Variants in DMD observed in about 807,000 individuals in gnomAD.
The protein encoded by DMD is dystrophin.
Under a neutral mutation model 330.1 loss-of-function variants are expected in DMD, and 63 were observed. The observed-to-expected ratio is 0.19, with a 90% confidence interval of 0.16 to 0.24. The LOEUF (loss-of-function observed/expected upper bound fraction) is 0.24, where lower values mean the gene tolerates loss of function less well. DMD is among the 10% of genes least tolerant of loss of function. The pLI, the probability that DMD is intolerant of heterozygous loss-of-function variation, is 1.00. For missense variants in DMD, 3,344 were observed against 2,684.1 expected (o/e 1.25, Z -5.43); for synonymous variants, 1,223 against 959.8 (o/e 1.27, Z -5.07).
At chrX:32,053,764 C>T (rs1179275843) in intron 44 of DMD, among the ~76,000 whole-genome samples, 1 of 111,505 alleles carries the variant, frequency 9.0e-6, no homozygotes, top group African/African-American at 3.3e-5. Flanking sequence ...TCTTTGTTGG[C>T]ACACACACAT....
chrX:31,438,378 T>C (rs1039437021), intron 60 of DMD, among the ~76,000 whole-genome samples: 9 of 111,831 alleles, frequency 8.0e-5, no homozygotes, highest in African/African-American at 2.9e-4. Flanking sequence ...GAAAGTTTGT[T>C]AGAGATGCAG....
At chrX:32,231,740 T>C (rs2097169757) in intron 43 of DMD, among the ~76,000 whole-genome samples, 1 of 111,871 alleles carries the variant, frequency 8.9e-6, no homozygotes, top group Admixed American at 9.5e-5. Flanking sequence ...CAAGAGCCTA[T>C]ACACACATAA....
At chrX:32,320,500 T>C (rs1569557643) in intron 41 of DMD, among the ~76,000 whole-genome samples, 1 of 111,871 alleles carries the variant, frequency 8.9e-6, no homozygotes, top group African/African-American at 3.2e-5. Flanking sequence ...GCTACTTTAT[T>C]GGACAGTGTA....
rs1429767974 is a variant in DMD, at chrX:32,699,246, T to C, written c.697A>G (p.Thr233Ala). The change falls in exon 8 of 79, where the codon ACA (threonine) becomes GCA (alanine). Residue 233 changes from threonine to alanine, a missense_variant. Thr to Ala is a moderately conservative substitution (Grantham distance 58). Coordinates refer to ENST00000357033, the MANE Select transcript of DMD (RefSeq NM_004006.3). ...PDKKSILMYI[T>A]SLFQVLPQQV... The stretch of plus-strand genomic sequence containing the variant: ...TGAGGCAAAACTTGGAAGAGTGATG[T>C]GATGTACATTAAGATGGACTTCTTA... 1 of 1,209,715 alleles carries C rather than the reference T, an allele frequency of 8.3e-7. No homozygotes were observed. The highest frequency in any genetic ancestry group is 3.0e-5 in the East Asian group (1 of 33,795).
chrX:32,118,911 T>C (rs2096622804), intron 44 of DMD, among the ~76,000 whole-genome samples: 2 of 110,811 alleles, frequency 1.8e-5, no homozygotes, highest in Non-Finnish European at 3.8e-5. Context: ...ACAATAGGGT[T>C]CGTGATCCTA....
At chrX:32,535,270 C>G (rs147039559) in intron 17 of DMD, among the ~76,000 whole-genome samples, 2 of 111,754 alleles carry the variant, frequency 1.8e-5, no homozygotes, top group Non-Finnish European at 3.8e-5. Flanking sequence ...CCCATCTGCT[C>G]TCAGATCTAT....
intron 44 of DMD, among the ~76,000 whole-genome samples, chrX:32,021,172 G>T (rs775761891): frequency 1.2e-4 from 14 of 112,027 alleles, no homozygotes; most frequent in African/African-American, 4.2e-4. Context: ...ATGTCCATAC[G>T]CATGTAAAAT....
chrX:32,825,501 G>A (rs1409225656), intron 4 of DMD, among the ~76,000 whole-genome samples: 2 of 111,726 alleles, frequency 1.8e-5, no homozygotes, highest in Admixed American at 9.5e-5. Flanking sequence ...CTACCATTAG[G>A]CTCTAGCAAT....
intron 42 of DMD, among the ~76,000 whole-genome samples, chrX:32,290,562 A>T (rs73462022): frequency 0.027 from 3,030 of 112,247 alleles, 112 homozygotes; most frequent in African/African-American, 0.091. Context: ...AGAAAGAAAA[A>T]TCTAAACATA....
At chrX:32,046,311 A>T (rs181426458) in intron 44 of DMD, among the ~76,000 whole-genome samples, 9 of 112,495 alleles carry the variant, frequency 8.0e-5, no homozygotes, top group Non-Finnish European at 1.5e-4. Flanking sequence ...AAGAACATGG[A>T]TTCCATTAAG....
chrX:33,139,837 G>A (rs1167631781), intron 1 of DMD, among the ~76,000 whole-genome samples: 2 of 96,617 alleles, frequency 2.1e-5, no homozygotes, highest in Non-Finnish European at 4.0e-5. Context: ...CTTTATGGCA[G>A]TGTGAGAATT....
Position 32,463,511 on chromosome X carries a change from C to A in DMD, c.3360G>T (p.Glu1120Asp). Residue 1120 changes from glutamate (E) to aspartate (D), a missense_variant, in exon 25 of 79, where the codon GAG (glutamate) becomes GAT (aspartate). Coordinates refer to ENST00000357033, the MANE Select transcript of DMD (RefSeq NM_004006.3). The part of the protein sequence containing the change: ...EGGQKIKNEA[E>D]PEFASRLETE... ...TCTCAAGTCTCGAAGCAAACTCTGG[C>A]TCTGCTTCATTCTTTATCTTCTGCC... 1.7e-6 allele frequency: 2 copies of A among 1,204,491 alleles called. No individual in the cohort carries two copies. Among genetic ancestry groups the A allele is most frequent in the Non-Finnish European group, 1.1e-6 (1 of 891,156 alleles).
chrX:33,226,677 T>C lies in DMD; in HGVS notation c.7+112582A>G, dbSNP rs748157843. The stretch of plus-strand genomic sequence containing the variant: ...CTGTGCTGATGTCAATATCTTGTTG[T>C]AATATTGTTCTATAGTTCTGTGACT... On this transcript the variant is annotated intron_variant, in intron 1 of 17. Coordinates refer to the DMD transcript ENST00000288447. Among the ~76,000 whole-genome samples, 7 of 111,401 alleles carry C rather than the reference T, an allele frequency of 6.3e-5. No homozygotes were observed. In the South Asian group the frequency reaches 2.2e-3, roughly 36 times the overall value.
At chrX:33,063,471 A>G (rs962897921) in intron 1 of DMD, among the ~76,000 whole-genome samples, 4 of 111,757 alleles carry the variant, frequency 3.6e-5, no homozygotes, top group Non-Finnish European at 7.5e-5. Flanking sequence ...TAATAATTAT[A>G]ATTTTTCCTA....
intron 1 of DMD, among the ~76,000 whole-genome samples, chrX:33,078,832 C>A (rs2094882766): frequency 9.0e-6 from 1 of 111,718 alleles, no homozygotes; most frequent in Non-Finnish European, 1.9e-5. Flanking sequence ...ATAGTGAAAT[C>A]ATATCAGAAT....
At chrX:33,076,057 T>G (rs2094836011) in intron 1 of DMD, among the ~76,000 whole-genome samples, 1 of 111,547 alleles carries the variant, frequency 9.0e-6, no homozygotes, top group Admixed American at 9.6e-5. Flanking sequence ...TTGAGACGTT[T>G]TGCAGACCCT....
intron 55 of DMD, among the ~76,000 whole-genome samples, chrX:31,563,490 G>GCCC (rs1291832656): frequency 8.9e-6 from 1 of 112,046 alleles, no homozygotes; most frequent in Non-Finnish European, 1.9e-5. Context: ...GATAAGGCAA[G>GCCC]CCCCCTCCCT....
chrX:32,296,589 T>C (rs1603630152), intron 42 of DMD, among the ~76,000 whole-genome samples: 1 of 111,381 alleles, frequency 9.0e-6, no homozygotes, highest in East Asian at 2.8e-4. Flanking sequence ...CTTTCCAAGA[T>C]TTTAAATAAT....
chrX:32,286,621 C>T (rs1452580307), intron 43 of DMD, among the ~76,000 whole-genome samples: 5 of 111,649 alleles, frequency 4.5e-5, no homozygotes, highest in African/African-American at 9.8e-5. Context: ...AGAAAAATGA[C>T]GGCCACTGAA....
Sources: gnomAD v4.1 joint callset for allele counts (sites outside exome capture counted in the v4.1 genomes callset) on GRCh38, gnomAD v4.1.1 for gene constraint, MANE v1.5 for transcripts, NCBI Gene and HGNC (gene_info 2026-07-23, HGNC 2026-07-21) for gene names.